Variants in CACNG8 observed in about 807,000 individuals in gnomAD.
CACNG8 encodes calcium voltage-gated channel auxiliary subunit gamma 8.
In CACNG8, 5 loss-of-function variants were observed where a neutral mutation model predicts 26.9. That is an observed-to-expected ratio of 0.19 (90% CI 0.10 to 0.39). CACNG8 has a LOEUF of 0.39. Among genes scored for constraint, CACNG8 ranks in the 10% least tolerant of loss-of-function variants. CACNG8 has a pLI of 1.00. For missense variants in CACNG8, 473 were observed against 609.4 expected, an observed-to-expected ratio of 0.78 and a Z score of 2.36; for synonymous variants, 321 against 296.7, an observed-to-expected ratio of 1.08 and a Z score of -0.84.
intron 1 of CACNG8, among the ~76,000 whole-genome samples, chr19:53,969,202 C>T (rs1375426347): frequency 2.6e-5 from 4 of 151,980 alleles, no homozygotes; most frequent in Admixed American, 6.6e-5. Flanking sequence ...CGGGGTTTCA[C>T]CATGTTGACC....
intron 1 of CACNG8, among the ~76,000 whole-genome samples, chr19:53,971,401 A>G (rs2069301925): frequency 6.6e-6 from 1 of 152,222 alleles, no homozygotes; most frequent in Non-Finnish European, 1.5e-5. Context: ...TGTAATCAAT[A>G]TAAAAATTAT....
At position 53,982,677 on chromosome 19, in the gene CACNG8, A is replaced by G. The variant is rs1197131123; in HGVS notation, c.1106A>G (p.His369Arg). The G allele has an allele frequency of 5.9e-5, 66 of 1,116,188 alleles. No individual in the cohort carries two copies. The highest frequency in any genetic ancestry group is 7.1e-5 in the Non-Finnish European group (65 of 919,116). The allele number at this position is 1,116,188 out of a possible 1,614,324, so 69.1% of individuals were successfully genotyped here. A position where few individuals can be genotyped will look rare whatever the true frequency, so the allele number is the denominator to read the frequency against. ...GGGGCGTCCGGCTTCCTCACGCTGC[A>G]CAACGCCTTCCCCAAGGAGGCGGGC... is the stretch of plus-strand genomic sequence containing the variant. The change falls in exon 4 of 4, where the codon CAC becomes CGC. Residue 369 changes from histidine to arginine, a missense_variant. His to Arg is a conservative substitution (Grantham distance 29). This residue lies in a region of CACNG8 where 212 missense variants were observed against 214.4 expected (regional missense o/e 0.99). Coordinates refer to ENST00000270458, the MANE Select transcript of CACNG8 (RefSeq NM_031895.6). This position sits in a 1 kb window ranked among gnomAD's most constrained non-coding sequence, Gnocchi z 8.4.
intron 1 of CACNG8, among the ~76,000 whole-genome samples, chr19:53,968,075 A>C (rs919938252): frequency 6.6e-6 from 1 of 151,938 alleles, no homozygotes; most frequent in Non-Finnish European, 1.5e-5. Flanking sequence ...GATGGATGGA[A>C]TCACTTAGAG....
At chr19:53,968,768 C>CAAAAA (rs34461203) in intron 1 of CACNG8, among the ~76,000 whole-genome samples, 88 of 50,318 alleles carry the variant, frequency 1.7e-3, no homozygotes, top group African/African-American at 4.0e-3. Flanking sequence ...GACTCTATCT[C>CAAAAA]AAAAAAAAAA....
At chr19:53,969,327 A>G (rs922484890) in intron 1 of CACNG8, among the ~76,000 whole-genome samples, 2 of 152,078 alleles carry the variant, frequency 1.3e-5, no homozygotes, top group Admixed American at 1.3e-4. Flanking sequence ...TCCCATTCTA[A>G]AAGAAGAAGT....
At chr19:53,979,313 G>A (rs975820037) in intron 2 of CACNG8, among the ~76,000 whole-genome samples, 19 of 151,488 alleles carry the variant, frequency 1.3e-4, no homozygotes, top group Admixed American at 7.3e-4. Flanking sequence ...TGGGGTGGGG[G>A]CGTGAGGAGA....
At chr19:53,980,595 A>G (rs535106060) in intron 3 of CACNG8, among the ~76,000 whole-genome samples, 1 of 152,124 alleles carries the variant, frequency 6.6e-6, no homozygotes, top group East Asian at 1.9e-4. Context: ...TTGGAGAAGG[A>G]GAGGCTAGAA....
intron 2 of CACNG8, among the ~76,000 whole-genome samples, chr19:53,979,604 T>C (rs1204329445): frequency 6.7e-6 from 1 of 150,090 alleles, no homozygotes; most frequent in Non-Finnish European, 1.5e-5. Flanking sequence ...GGGAAAGATA[T>C]TCCAAGAGAG....
Position 53,970,540 on chromosome 19 carries a change from G to A in CACNG8, c.283+7115G>A, listed in dbSNP as rs569308797. On this transcript the variant is annotated intron_variant, in intron 1 of 3. Coordinates refer to ENST00000270458, the MANE Select transcript of CACNG8 (RefSeq NM_031895.6). ...CTGGGGAGGCTGAGGCAGGAGAATC[G>A]CTTGAACCCAGGAGGCGGAGGTTGC... is the stretch of plus-strand genomic sequence containing the variant. Among the ~76,000 whole-genome samples the A allele has an allele frequency of 1.1e-4, 17 of 150,106 alleles. No homozygotes were observed. The South Asian group carries it at 1.3e-3, about 11-fold the overall frequency.
intron 2 of CACNG8, 114 bp downstream of exon 2, chr19:53,978,343 C>T: frequency 2.7e-6 from 2 of 730,934 alleles, no homozygotes; most frequent in Non-Finnish European, 4.7e-6. Context: ...ATCGACACGC[C>T]GAGGTTAGCC....
Position 53,988,280 on chromosome 19 carries a change from G to T in CACNG8, c.*5431G>T, listed in dbSNP as rs936832586. ...AAAGGGAATTCAGGCAAGTGTGTGTGTGTGTGTGTGTGTGTGTGTGTGTGT... is the reference window on the plus strand; with the variant it reads ...AAAGGGAATTCAGGCAAGTGTGTGTTTGTGTGTGTGTGTGTGTGTGTGTGT... On this transcript the variant is annotated 3_prime_UTR_variant, in exon 4 of 4. Coordinates refer to ENST00000270458, the MANE Select transcript of CACNG8 (RefSeq NM_031895.6). 15 of 150,792 alleles carry T rather than the reference G, an allele frequency of 9.9e-5. No individual in the cohort carries two copies. The highest frequency in any genetic ancestry group is 3.7e-4 in the African/African-American group (15 of 40,658). 9.3% of individuals were successfully genotyped at this position (150,792 alleles called of 1,614,324 possible).
At chr19:53,967,223 A>T (rs545959475) in intron 1 of CACNG8, among the ~76,000 whole-genome samples, 22 of 152,308 alleles carry the variant, frequency 1.4e-4, no homozygotes, top group African/African-American at 5.1e-4. Context: ...CACCGCTCTA[A>T]GGCTTTGGCC....
At chr19:53,980,808 C>T (rs1434260700) in intron 3 of CACNG8, among the ~76,000 whole-genome samples, 1 of 152,200 alleles carries the variant, frequency 6.6e-6, no homozygotes, top group African/African-American at 2.4e-5. Context: ...GTAAGGCCCC[C>T]TTTCTACCCC....
At chr19:53,976,465 A>G (rs1175541275) in intron 1 of CACNG8, among the ~76,000 whole-genome samples, 2 of 152,304 alleles carry the variant, frequency 1.3e-5, no homozygotes, top group African/African-American at 4.8e-5. Context: ...GAGTTGGCCC[A>G]CCTAGCAAGC....
intron 1 of CACNG8, among the ~76,000 whole-genome samples, chr19:53,975,916 A>G (rs951019036): frequency 6.6e-6 from 1 of 152,180 alleles, no homozygotes; most frequent in Non-Finnish European, 1.5e-5. Context: ...AATTGTGTTC[A>G]AGGCCAAGTG....
chr19:53,963,251 A>G lies in CACNG8; in HGVS notation c.109A>G (p.Ile37Val). Residue 37 changes from isoleucine to valine, a missense_variant, in exon 1 of 4, where the codon ATC becomes GTC. Ile to Val is a conservative substitution (Grantham distance 29). This residue lies in a region of CACNG8 where 10 missense variants were observed against 34.7 expected (regional missense o/e 0.29). Transcript: ENST00000270458. ...CTTCGCCGCCTTCGGCCTCATGACC[A>G]TCGCCATCAGCACTGACTACTGGCT... The G allele has an allele frequency of 2.5e-6, 4 of 1,609,734 alleles. No individual in the cohort carries two copies. Among genetic ancestry groups the G allele is most frequent in the African/African-American group, 1.3e-5 (1 of 74,534 alleles).
At chr19:53,981,968 C>T in intron 3 of CACNG8, 112 bp from the exon 4 acceptor site, 1 of 1,215,810 alleles carries the variant, frequency 8.2e-7, no homozygotes, top group Non-Finnish European at 1.1e-6. Flanking sequence ...GGGCCTAGAC[C>T]GCCTGGGGGT....
In CACNG8 at chr19:53,988,615, T is replaced by TA. The variant is rs5828564; in HGVS notation, c.*5781dup. On this transcript the variant is annotated 3_prime_UTR_variant, in exon 4 of 4. Coordinates refer to ENST00000270458, the MANE Select transcript of CACNG8 (RefSeq NM_031895.6). ...ACTCTGTCTCAAAAAAGAAAAAAGG[T>TA]AAAAAAAAAAAAAAATGACCCTGAA... The TA allele has an allele frequency of 0.037, 4,993 of 134,080 alleles. 116 individuals are homozygous for TA. Among genetic ancestry groups the TA allele is most frequent in the African/African-American group, 0.076 (2,769 of 36,312 alleles). The allele number at this position is 134,080 out of a possible 1,614,324, so 8.3% of individuals were successfully genotyped here. A position where few individuals can be genotyped will look rare whatever the true frequency, so the allele number is the denominator to read the frequency against.
At chr19:53,981,170 G>C (rs2069365424) in intron 3 of CACNG8, among the ~76,000 whole-genome samples, 1 of 152,142 alleles carries the variant, frequency 6.6e-6, no homozygotes, top group Admixed American at 6.5e-5. Context: ...AGAGAGATTA[G>C]ATAAGTGAAA....
Sources: allele counts gnomAD v4.1 joint callset (sites outside exome capture counted in the v4.1 genomes callset), GRCh38; gene constraint gnomAD v4.1.1; regional missense constraint gnomAD v4.1.1; non-coding constraint Gnocchi (gnomAD v3.1); transcripts MANE v1.5; gene names NCBI Gene and HGNC (gene_info 2026-07-23, HGNC 2026-07-21).